Variants in RSRC1 observed in about 807,000 individuals in gnomAD.
The protein encoded by RSRC1 is serine/Arginine-related protein 53.
In RSRC1, 39 loss-of-function variants were observed where a neutral mutation model predicts 49.1. The observed-to-expected ratio is 0.79, with a 90% CI of 0.61 to 1.04. RSRC1 has a LOEUF of 1.04. Among genes scored for constraint, RSRC1 ranks in the 50% least tolerant of loss-of-function variants. The pLI is 0.00. For synonymous variants in RSRC1, 143 were observed against 130.8 expected (o/e 1.09, Z -0.63); for missense variants, 388 against 402.4 (o/e 0.96, Z 0.31).
intron 3 of RSRC1, among the ~76,000 whole-genome samples, chr3:158,133,501 A>T (rs970238279): frequency 6.6e-6 from 1 of 152,256 alleles, no homozygotes; most frequent in African/African-American, 2.4e-5. Flanking sequence ...CAAGATTTAC[A>T]TTAAATTAGG....
At chr3:158,458,944 G>A (rs553106262) in intron 6 of RSRC1, among the ~76,000 whole-genome samples, 37 of 152,184 alleles carry the variant, frequency 2.4e-4, no homozygotes, top group African/African-American at 8.4e-4. Flanking sequence ...TTCCTTAATA[G>A]TCAATGAGGA....
intron 6 of RSRC1, among the ~76,000 whole-genome samples, chr3:158,406,742 G>A (rs933505372): frequency 6.6e-5 from 10 of 152,068 alleles, no homozygotes; most frequent in African/African-American, 1.7e-4. Context: ...TTGTCCATGA[G>A]CACTAATCTA....
intron 3 of RSRC1, among the ~76,000 whole-genome samples, chr3:158,179,254 G>T (rs1008652024): frequency 6.6e-6 from 1 of 152,144 alleles, no homozygotes; most frequent in Admixed American, 6.5e-5. Flanking sequence ...TACACTCTTT[G>T]TCCTGTTTCC....
In RSRC1 at chr3:158,155,706, G is replaced by T. The variant is rs935555895; in HGVS notation, c.320+31715G>T. 2.0e-5 allele frequency among the ~76,000 whole-genome samples: 3 copies of T among 150,106 alleles called. No individual in the cohort carries two copies. In the Admixed American group the frequency reaches 2.0e-4, roughly 10 times the overall value. ...AGTCTGCCCACCTTGACCTCCCAAA[G>T]TGCTAGGATTACAGGCATGAGCCAC... is the stretch of plus-strand genomic sequence containing the variant. On this transcript the variant is annotated intron_variant, in intron 3 of 9. Transcript: ENST00000611884.
At chr3:158,432,694 C>G (rs1735830645) in intron 6 of RSRC1, among the ~76,000 whole-genome samples, 1 of 151,892 alleles carries the variant, frequency 6.6e-6, no homozygotes, top group Non-Finnish European at 1.5e-5. Context: ...CATACTGTTT[C>G]TAAATTTAGT....
intron 5 of RSRC1, among the ~76,000 whole-genome samples, chr3:158,329,268 C>T (rs934230615): frequency 6.6e-6 from 1 of 152,206 alleles, no homozygotes; most frequent in Non-Finnish European, 1.5e-5. Context: ...AGCTTTGTTC[C>T]ATTACTTGCG....
intron 3 of RSRC1, among the ~76,000 whole-genome samples, chr3:158,134,815 G>A (rs1447006452): frequency 9.9e-5 from 15 of 152,130 alleles, no homozygotes; most frequent in Non-Finnish European, 2.9e-5. Flanking sequence ...TAGTCTATGA[G>A]AGACAAAGAG....
intron 5 of RSRC1, among the ~76,000 whole-genome samples, chr3:158,332,971 G>GC: frequency 7.3e-6 from 1 of 136,116 alleles, no homozygotes; most frequent in South Asian, 2.3e-4. Flanking sequence ...TCTGTTTTTT[G>GC]TTTTTTTTTT....
At chr3:158,536,072 G>A (rs539762150) in intron 7 of RSRC1, among the ~76,000 whole-genome samples, 32 of 151,356 alleles carry the variant, frequency 2.1e-4, no homozygotes, top group African/African-American at 7.7e-4. Flanking sequence ...CTTTCTAAGG[G>A]GTCAGACTGA....
chr3:158,324,441 T>A (rs1728952546), intron 5 of RSRC1, among the ~76,000 whole-genome samples: 1 of 152,178 alleles, frequency 6.6e-6, no homozygotes, highest in Non-Finnish European at 1.5e-5. Flanking sequence ...GTCCAAGTGT[T>A]CTCATTGTTC....
At chr3:158,452,809 G>T (rs552342036) in intron 6 of RSRC1, among the ~76,000 whole-genome samples, 2 of 152,110 alleles carry the variant, frequency 1.3e-5, no homozygotes, top group African/African-American at 4.8e-5. Flanking sequence ...GAATATTGGA[G>T]TTCATGTGTA....
intron 6 of RSRC1, among the ~76,000 whole-genome samples, chr3:158,363,609 A>C (rs2108255483): frequency 6.6e-6 from 1 of 152,312 alleles, no homozygotes; most frequent in East Asian, 1.9e-4. Flanking sequence ...GAGTTATGTT[A>C]GGCAGAAAGG....
At chr3:158,346,544 G>A (rs373226164) in intron 5 of RSRC1, among the ~76,000 whole-genome samples, 3 of 152,098 alleles carry the variant, frequency 2.0e-5, no homozygotes, top group Non-Finnish European at 4.4e-5. Context: ...GCTCAACACC[G>A]TTATTCATTA....
chr3:158,234,027 A>G (rs1416513979), intron 4 of RSRC1, among the ~76,000 whole-genome samples: 1 of 152,200 alleles, frequency 6.6e-6, no homozygotes, highest in African/African-American at 2.4e-5. Flanking sequence ...AAGAGCAGGG[A>G]TAATCGCCTC....
intron 6 of RSRC1, among the ~76,000 whole-genome samples, chr3:158,400,843 G>A (rs539206905): frequency 5.8e-4 from 88 of 152,062 alleles, no homozygotes; most frequent in African/African-American, 2.0e-3. Flanking sequence ...GTAGTGTATT[G>A]TAATGCCCTA....
At chr3:158,196,821 T>G (rs557769230) in intron 3 of RSRC1, among the ~76,000 whole-genome samples, 1 of 152,338 alleles carries the variant, frequency 6.6e-6, no homozygotes, top group South Asian at 2.1e-4. Flanking sequence ...TTGTGTATGT[T>G]GAACCAGACT....
intron 3 of RSRC1, among the ~76,000 whole-genome samples, chr3:158,201,901 T>A (rs779572579): frequency 6.6e-6 from 1 of 152,218 alleles, no homozygotes; most frequent in African/African-American, 2.4e-5. Flanking sequence ...GTTTTTATCC[T>A]GGACAAAGTG....
chr3:158,291,719 C>T (rs1293905509), intron 4 of RSRC1, among the ~76,000 whole-genome samples: 1 of 152,136 alleles, frequency 6.6e-6, no homozygotes, highest in East Asian at 1.9e-4. Flanking sequence ...AAATAAATAT[C>T]ATTATTAAGT....
rs919860340 is a variant in RSRC1 at position 158,237,970 on chromosome 3, G to A, written c.494+34725G>A. Among the ~76,000 whole-genome samples the A allele has an allele frequency of 5.9e-5, 9 of 151,396 alleles. 1 individual carries two copies. In the South Asian group the frequency reaches 1.2e-3, roughly 21 times the overall value. ...AATAGCTCCTATTATTTTGAGATAC[G>A]TTTCATCAGCCTAAAATCTCCTTAA... is the stretch of plus-strand genomic sequence containing the variant. On this transcript the variant is annotated intron_variant, in intron 4 of 9. Coordinates refer to ENST00000611884, the MANE Select transcript of RSRC1 (RefSeq NM_001271838.2).
Sources: gnomAD v4.1 joint callset for allele counts (sites outside exome capture counted in the v4.1 genomes callset) on GRCh38, gnomAD v4.1.1 for gene constraint, MANE v1.5 for transcripts, NCBI Gene and HGNC (gene_info 2026-07-23, HGNC 2026-07-21) for gene names.